The following MDGA2 variants were observed in gnomAD, a reference collection of about 807,000 sequenced individuals.
The protein encoded by MDGA2 is MAM domain containing glycosylphosphatidylinositol anchor 2.
Under a neutral mutation model 117.8 loss-of-function variants are expected in MDGA2, and 40 were observed. The ratio of observed to expected loss-of-function variants is 0.34; its 90% CI spans 0.26 to 0.44. The LOEUF is 0.44. Among genes scored for constraint, MDGA2 ranks in the 20% least tolerant of loss-of-function variants. The pLI is 1.00. For synonymous variants in MDGA2, 452 were observed against 439.0 expected (o/e 1.03, Z -0.37); for missense variants, 1,123 against 1,250.6 (o/e 0.90, Z 1.54).
chr14:47,631,893 T>C (rs1326486956), intron 1 of MDGA2, among the ~76,000 whole-genome samples: 5 of 152,038 alleles, frequency 3.3e-5, no homozygotes, highest in Non-Finnish European at 7.4e-5. Flanking sequence ...CATCACAAAT[T>C]TGTAAACTTC....
intron 9 of MDGA2, among the ~76,000 whole-genome samples, chr14:46,945,098 G>C (rs1356327647): frequency 6.6e-6 from 1 of 152,060 alleles, no homozygotes; most frequent in Non-Finnish European, 1.5e-5. Context: ...CCTGTAAAGA[G>C]TGCCAAGTTT....
Position 46,992,646 on chromosome 14 carries a change from G to A in MDGA2, c.1820-35003C>T, listed in dbSNP as rs570749490. Among the ~76,000 whole-genome samples, 24 of 152,188 alleles carry A rather than the reference G, an allele frequency of 1.6e-4. No individual in the cohort carries two copies. In the East Asian group the frequency reaches 4.4e-3, roughly 28 times the overall value. On this transcript the variant is annotated intron_variant, in intron 8 of 16. Coordinates refer to ENST00000399232, the MANE Select transcript of MDGA2 (RefSeq NM_001113498.3). ...GAATATTCTATCATTCAGATCATTT[G>A]TTGGTACTACTTCATAGTAATTTGA...
At chr14:47,057,884 T>G (rs1430768511) in intron 7 of MDGA2, among the ~76,000 whole-genome samples, 1 of 151,970 alleles carries the variant, frequency 6.6e-6, no homozygotes, top group Non-Finnish European at 1.5e-5. Context: ...CCTCCCAGAT[T>G]GCTGGGATTA....
intron 5 of MDGA2, among the ~76,000 whole-genome samples, chr14:47,100,860 C>T (rs1451097484): frequency 6.6e-6 from 1 of 152,078 alleles, no homozygotes; most frequent in Non-Finnish European, 1.5e-5. Context: ...AACTACACCA[C>T]CAGCTGTAAA....
At chr14:47,057,743 C>CTGCCTTGCCT (rs1218784674) in intron 7 of MDGA2, among the ~76,000 whole-genome samples, 2 of 149,012 alleles carry the variant, frequency 1.3e-5, no homozygotes, top group South Asian at 2.2e-4. Context: ...CTGCCCTGCC[C>CTGCCTTGCCT]TGCCTTGCCT....
chr14:47,439,319 G>T (rs1049131120), intron 1 of MDGA2, among the ~76,000 whole-genome samples: 3 of 152,028 alleles, frequency 2.0e-5, no homozygotes, highest in Non-Finnish European at 4.4e-5. Flanking sequence ...GATATGTTTT[G>T]TGCCTCTGTT....
At chr14:46,955,777 T>C (rs1252665735) in intron 9 of MDGA2, among the ~76,000 whole-genome samples, 1 of 120,854 alleles carries the variant, frequency 8.3e-6, no homozygotes, top group Non-Finnish European at 1.6e-5. Flanking sequence ...CTATACAAAA[T>C]TCATGGTAAG....
At chr14:46,899,103 T>C (rs1474347067) in intron 10 of MDGA2, among the ~76,000 whole-genome samples, 1 of 152,038 alleles carries the variant, frequency 6.6e-6, no homozygotes, top group Non-Finnish European at 1.5e-5. Context: ...TATGATATTT[T>C]ACTTTTTCTC....
chr14:47,160,225 G>C (rs1209708579), intron 3 of MDGA2, among the ~76,000 whole-genome samples: 2 of 152,032 alleles, frequency 1.3e-5, no homozygotes, highest in Admixed American at 1.3e-4. Context: ...TTCTTTTCTT[G>C]TGCAAAACCA....
At chr14:47,537,006 T>C (rs1462938799) in intron 1 of MDGA2, among the ~76,000 whole-genome samples, 2 of 152,256 alleles carry the variant, frequency 1.3e-5, no homozygotes, top group East Asian at 3.9e-4. Flanking sequence ...AATTCATGCA[T>C]GTAATTAAAG....
chr14:47,116,348 T>C (rs1881329943), intron 5 of MDGA2, among the ~76,000 whole-genome samples: 1 of 152,086 alleles, frequency 6.6e-6, no homozygotes, highest in Non-Finnish European at 1.5e-5. Flanking sequence ...CAAAGTGACC[T>C]ACAGATTCAA....
chr14:47,251,352 T>C (rs983795680), intron 2 of MDGA2, among the ~76,000 whole-genome samples: 1 of 152,214 alleles, frequency 6.6e-6, no homozygotes, highest in Non-Finnish European at 1.5e-5. Flanking sequence ...ATTCCTTGTG[T>C]TCTCCACTAA....
intron 10 of MDGA2, among the ~76,000 whole-genome samples, chr14:46,900,265 G>A (rs1883233530): frequency 6.6e-6 from 1 of 152,070 alleles, no homozygotes; most frequent in Non-Finnish European, 1.5e-5. Context: ...TAGTGGGAAT[G>A]AAAAGAATAA....
rs1555330654 is a variant in MDGA2 at position 47,540,536 on chromosome 14, G to GTGTGTGTA, written c.280+133980_280+133981insTACACACA. Among the ~76,000 whole-genome samples the GTGTGTGTA allele has an allele frequency of 9.9e-3, 706 of 71,028 alleles. 19 individuals are homozygous for GTGTGTGTA. Among genetic ancestry groups the GTGTGTGTA allele is most frequent in the African/African-American group, 0.027 (685 of 25,188 alleles). The allele number at this position is 71,028 out of a possible 152,430, so 46.6% of individuals were successfully genotyped here. On this transcript the variant is annotated intron_variant, in intron 1 of 16. Coordinates refer to ENST00000399232, the MANE Select transcript of MDGA2 (RefSeq NM_001113498.3). ...TATATGTATATGTGTGTGTGTGTGT[G>GTGTGTGTA]TGTGTATATATATATATGTATATAT...
intron 2 of MDGA2, 132 bp from the exon 3 acceptor site, chr14:47,218,327 AAATT>A: frequency 1.3e-6 from 1 of 772,810 alleles, no homozygotes; most frequent in Non-Finnish European, 2.0e-6. Context: ...ATTGAAGAAA[AAATT>A]AATGTTTACA....
intron 1 of MDGA2, among the ~76,000 whole-genome samples, chr14:47,420,093 A>ACATG (rs1357668144): frequency 1.3e-5 from 2 of 152,132 alleles, no homozygotes; most frequent in African/African-American, 4.8e-5. Context: ...TATGCACAAT[A>ACATG]CATGCATGCA....
At chr14:47,589,910 T>A (rs1896403662) in intron 1 of MDGA2, among the ~76,000 whole-genome samples, 1 of 152,024 alleles carries the variant, frequency 6.6e-6, no homozygotes, top group Non-Finnish European at 1.5e-5. Context: ...AAGTACTTTA[T>A]TCTTTTTTCA....
intron 2 of MDGA2, among the ~76,000 whole-genome samples, chr14:47,246,802 AACACACACAC>A (rs34773547): frequency 2.8e-5 from 4 of 141,760 alleles, no homozygotes; most frequent in Admixed American, 7.2e-5. Flanking sequence ...CAGGTAATGA[AACACACACAC>A]ACACACACAC....
intron 1 of MDGA2, among the ~76,000 whole-genome samples, chr14:47,613,477 T>TCACACACA (rs200626697): frequency 1.0e-4 from 14 of 138,248 alleles, no homozygotes; most frequent in Admixed American, 3.6e-4. Context: ...TCTCTCTCTC[T>TCACACACA]CTCACACACA....
Sources: gnomAD v4.1 joint callset for allele counts (sites outside exome capture counted in the v4.1 genomes callset) on GRCh38, gnomAD v4.1.1 for gene constraint, MANE v1.5 for transcripts, NCBI Gene and HGNC (gene_info 2026-07-23, HGNC 2026-07-21) for gene names.